The following MAST4 variants were observed in gnomAD, a reference collection of about 807,000 sequenced individuals.
MAST4 encodes the protein microtubule associated serine/threonine kinase family member 4.
In MAST4, 89 loss-of-function variants were observed where a neutral mutation model predicts 162.7. The observed-to-expected ratio is 0.55, with a 90% CI of 0.46 to 0.65. The LOEUF (loss-of-function observed/expected upper bound fraction) is 0.65. Among genes scored for constraint, MAST4 ranks in the 30% least tolerant of loss-of-function variants. The probability of loss-of-function intolerance (pLI) is 0.00; values close to 1 mark genes in which losing one functional copy is unlikely to be tolerated. For synonymous variants in MAST4, 1,479 were observed against 1,361.1 expected, an observed-to-expected ratio of 1.09 and a Z score of -1.91; for missense variants, 3,153 against 3,374.0, an observed-to-expected ratio of 0.93 and a Z score of 1.62.
intron 4 of MAST4, among the ~76,000 whole-genome samples, chr5:66,919,782 A>G (rs2150040930): frequency 6.6e-6 from 1 of 152,240 alleles, no homozygotes; most frequent in Non-Finnish European, 1.5e-5. Flanking sequence ...TCTCCACTAA[A>G]GGTCACCAGG....
In MAST4 at chr5:66,806,526, C is replaced by T. The variant is rs1756194009; in HGVS notation, c.642+17732C>T. On this transcript the variant is annotated intron_variant, in intron 3 of 28. Transcript: ENST00000403625. ...AATCCTACACCAGGGCAAATAAAATCATGTTGTTGATCAGGTAGAACTTAA... is the reference window on the plus strand; with the variant it reads ...AATCCTACACCAGGGCAAATAAAATTATGTTGTTGATCAGGTAGAACTTAA... Among the ~76,000 whole-genome samples, 3 of 152,188 alleles carry T rather than the reference C, an allele frequency of 2.0e-5. No individual in the cohort carries two copies. The South Asian group carries it at 6.2e-4, about 31-fold the overall frequency.
intron 1 of MAST4, among the ~76,000 whole-genome samples, chr5:66,701,901 G>GT (rs1428458876): frequency 1.3e-5 from 2 of 152,096 alleles, no homozygotes; most frequent in African/African-American, 4.8e-5. Flanking sequence ...AACTTTGCAA[G>GT]TTAAAAACTT....
chr5:66,624,062 A>C (rs1405593945), intron 1 of MAST4, among the ~76,000 whole-genome samples: 1 of 152,116 alleles, frequency 6.6e-6, no homozygotes, highest in Non-Finnish European at 1.5e-5. Context: ...TTGTACATTT[A>C]ATTATAAAAT....
intron 3 of MAST4, among the ~76,000 whole-genome samples, chr5:66,812,579 A>G (rs1756529951): frequency 1.3e-5 from 2 of 152,260 alleles, no homozygotes; most frequent in Admixed American, 1.3e-4. Context: ...AGCGTAATCT[A>G]CAAAGCGGAA....
At chr5:67,139,326 G>A (rs1448827288) in intron 19 of MAST4, among the ~76,000 whole-genome samples, 2 of 152,270 alleles carry the variant, frequency 1.3e-5, no homozygotes, top group Non-Finnish European at 2.9e-5. Flanking sequence ...GAAAAAGGGT[G>A]TGAAGAACAT....
At chr5:66,826,670 T>C (rs1490730979) in intron 3 of MAST4, among the ~76,000 whole-genome samples, 1 of 152,094 alleles carries the variant, frequency 6.6e-6, no homozygotes, top group Non-Finnish European at 1.5e-5. Flanking sequence ...GACCCTAGTT[T>C]TTCTAGAAGG....
At chr5:66,953,601 A>G (rs1359535914) in intron 4 of MAST4, among the ~76,000 whole-genome samples, 1 of 152,164 alleles carries the variant, frequency 6.6e-6, no homozygotes, top group Non-Finnish European at 1.5e-5. Flanking sequence ...AAGTATATAC[A>G]TACACTAAAG....
At chr5:67,015,262 T>C (rs1262044113) in intron 4 of MAST4, among the ~76,000 whole-genome samples, 1 of 152,238 alleles carries the variant, frequency 6.6e-6, no homozygotes, top group African/African-American at 2.4e-5. Context: ...GCCAGTTCTT[T>C]AGTTCCCATG....
intron 23 of MAST4, among the ~76,000 whole-genome samples, chr5:67,148,064 G>A: frequency 6.6e-6 from 1 of 152,196 alleles, no homozygotes. Context: ...TATATAGACA[G>A]CAGTGTAAGA....
intron 1 of MAST4, among the ~76,000 whole-genome samples, chr5:66,648,821 C>T (rs977797481): frequency 3.9e-5 from 6 of 152,112 alleles, no homozygotes; most frequent in African/African-American, 1.4e-4. Flanking sequence ...GTAGGGTAGT[C>T]ATACTTGTAG....
At chr5:67,119,381 C>G (rs1039517807) in intron 13 of MAST4, among the ~76,000 whole-genome samples, 1 of 152,106 alleles carries the variant, frequency 6.6e-6, no homozygotes, top group Non-Finnish European at 1.5e-5. Context: ...GTGCCATTCT[C>G]CTCAATTGTG....
intron 4 of MAST4, among the ~76,000 whole-genome samples, chr5:66,920,958 T>C (rs1250220335): frequency 6.6e-6 from 1 of 152,100 alleles, no homozygotes; most frequent in Non-Finnish European, 1.5e-5. Flanking sequence ...CAGACAGTGC[T>C]GTGACTGTGG....
intron 1 of MAST4, among the ~76,000 whole-genome samples, chr5:66,634,109 C>T (rs769834273): frequency 5.3e-5 from 8 of 152,168 alleles, no homozygotes; most frequent in Admixed American, 2.6e-4. Context: ...GCTTAGGCTA[C>T]AGTCCAGTGG....
At chr5:66,919,996 CTCTT>C (rs888907925) in intron 4 of MAST4, among the ~76,000 whole-genome samples, 3 of 144,744 alleles carry the variant, frequency 2.1e-5, no homozygotes, top group Non-Finnish European at 4.5e-5. Context: ...CTCTCTCTCT[CTCTT>C]TCTAATGAAC....
At chr5:66,925,419 A>G (rs961985631) in intron 4 of MAST4, among the ~76,000 whole-genome samples, 4 of 152,208 alleles carry the variant, frequency 2.6e-5, no homozygotes, top group African/African-American at 7.2e-5. Flanking sequence ...TGTGCAGGAA[A>G]TCACTCTAAA....
intron 1 of MAST4, among the ~76,000 whole-genome samples, chr5:66,635,176 AG>A (rs1745030727): frequency 6.6e-6 from 1 of 152,202 alleles, no homozygotes; most frequent in African/African-American, 2.4e-5. Context: ...ACAGGTCCAC[AG>A]GGGACTCAGG....
chr5:67,102,792 C>T (rs1765172960), intron 9 of MAST4, among the ~76,000 whole-genome samples, 181 bp downstream of exon 9: 2 of 152,286 alleles, frequency 1.3e-5, no homozygotes, highest in Middle Eastern at 3.4e-3. Context: ...CTAACAACTG[C>T]TGAGAACTAG....
At chr5:66,613,568 A>G (rs1055611475) in intron 1 of MAST4, among the ~76,000 whole-genome samples, 3 of 152,080 alleles carry the variant, frequency 2.0e-5, no homozygotes, top group Non-Finnish European at 4.4e-5. Flanking sequence ...AGCCCCCTAC[A>G]TGGGTGAGGT....
rs760640637 is a variant in MAST4, at chr5:67,142,150, C to T, written c.2530C>T (p.Arg844Cys). 27 of 1,613,814 alleles carry T rather than the reference C, an allele frequency of 1.7e-5. No homozygotes were observed. The highest frequency in any genetic ancestry group is 6.7e-5 in the East Asian group (3 of 44,892). The change falls in exon 20 of 29, where the codon CGT (arginine) becomes TGT (cysteine). Residue 844 changes from arginine to cysteine, a missense_variant. Transcript: ENST00000403625. The stretch of plus-strand genomic sequence containing the variant: ...TGAAGTCAAACAGCATCGATTCTTC[C>T]GTTCTTTAGACTGGAACAGTTTGCT... The part of the protein sequence containing the change: ...AYEVKQHRFF[R>C]SLDWNSLLRQ...
Sources: gnomAD v4.1 joint callset for allele counts (sites outside exome capture counted in the v4.1 genomes callset) on GRCh38, gnomAD v4.1.1 for gene constraint, MANE v1.5 for transcripts, NCBI Gene and HGNC (gene_info 2026-07-23, HGNC 2026-07-21) for gene names.